The following SYN3 variants were observed in gnomAD, a reference collection of about 807,000 sequenced individuals.
The protein encoded by SYN3 is synapsin-3.
A neutral mutation model predicts 65.8 loss-of-function variants in SYN3; 35 were observed. The observed-to-expected ratio is 0.53, with a 90% CI of 0.41 to 0.70. SYN3 has a LOEUF of 0.70. SYN3 is among the 30% of genes least tolerant of loss of function. The pLI, the probability that SYN3 is intolerant of heterozygous loss-of-function variation, is 0.00. For missense variants in SYN3, 680 were observed against 749.0 expected (o/e 0.91, Z 1.08); for synonymous variants, 270 against 292.9 (o/e 0.92, Z 0.80).
intron 6 of SYN3, among the ~76,000 whole-genome samples, chr22:32,846,524 C>T (rs193016071): frequency 1.1e-3 from 173 of 152,290 alleles, no homozygotes; most frequent in Non-Finnish European, 1.9e-3. Context: ...CTGTTCTCAG[C>T]GCTTATATTA....
intron 7 of SYN3, among the ~76,000 whole-genome samples, chr22:32,541,981 A>G (rs1784757260): frequency 6.6e-6 from 1 of 152,086 alleles, no homozygotes; most frequent in African/African-American, 2.4e-5. Flanking sequence ...CATGTTTCAG[A>G]TGGATGAGGT....
In SYN3 at chr22:32,657,716, T is replaced by C. The variant is rs1051614753; in HGVS notation, c.712-60980A>G. Among the ~76,000 whole-genome samples the C allele has an allele frequency of 1.9e-3, 285 of 152,268 alleles. 1 individual carries two copies. The highest frequency in any genetic ancestry group is 6.5e-3 in the African/African-American group (268 of 41,544). ...AGGACACAGCAGTCATGAACTGGGC[T>C]CCAGTGTCACTCATCAGCTGAATGC... On this transcript the variant is annotated intron_variant, in intron 6 of 13. Transcript: ENST00000358763.
In SYN3 at chr22:33,019,926, A is replaced by C. The variant is rs545835641; in HGVS notation, c.-162-13102T>G. Among the ~76,000 whole-genome samples, 10 of 152,376 alleles carry C rather than the reference A, an allele frequency of 6.6e-5. No homozygotes were observed. The East Asian group carries it at 1.9e-3, about 29-fold the overall frequency. On this transcript the variant is annotated intron_variant, in intron 1 of 13. Transcript: ENST00000358763. ...TATTCTTAGCAATCCACATGAAGCT[A>C]CTGGGAAGATCAAATGAAAGAATGC...
At chr22:32,782,605 C>T (rs1433284637) in intron 6 of SYN3, among the ~76,000 whole-genome samples, 1 of 151,302 alleles carries the variant, frequency 6.6e-6, no homozygotes, top group South Asian at 2.1e-4. Context: ...GCAACCTCCA[C>T]CTCCTAGGTT....
intron 12 of SYN3, among the ~76,000 whole-genome samples, chr22:32,521,921 T>C (rs2146097411): frequency 6.6e-6 from 1 of 152,300 alleles, no homozygotes; most frequent in Middle Eastern, 3.4e-3. Context: ...CTTTGTTGAG[T>C]CCCTATCATA....
intron 2 of SYN3, among the ~76,000 whole-genome samples, chr22:33,004,568 G>C (rs2053150607): frequency 2.0e-5 from 3 of 152,240 alleles, no homozygotes; most frequent in Admixed American, 2.0e-4. Context: ...TGCCTCACTA[G>C]ATTTCAGATT....
At position 32,513,573 on chromosome 22, in the gene SYN3, G is replaced by GA; in HGVS notation, c.*118dup. ...TCGGTTCCTGGGTCAAAGGCATTTAGAAAGTATGTTCTCAGGCCCTCCATT... is the reference window on the plus strand; with the variant it reads ...TCGGTTCCTGGGTCAAAGGCATTTAGAAAAGTATGTTCTCAGGCCCTCCATT... On this transcript the variant is annotated 3_prime_UTR_variant, in exon 14 of 14. Transcript: ENST00000358763. 7.5e-7 allele frequency: 1 copy of GA among 1,327,394 alleles called. No homozygotes were observed. The highest frequency in any genetic ancestry group is 1.0e-6 in the Non-Finnish European group (1 of 972,180). 82.2% of individuals were successfully genotyped at this position (1,327,394 alleles called of 1,614,324 possible).
At chr22:32,704,181 C>T (rs890843006) in intron 6 of SYN3, among the ~76,000 whole-genome samples, 2 of 152,066 alleles carry the variant, frequency 1.3e-5, no homozygotes, top group South Asian at 2.1e-4. Flanking sequence ...AAGCCTAGTA[C>T]CTTATGTTTA....
chr22:32,695,571 A>G (rs972687429), intron 6 of SYN3, among the ~76,000 whole-genome samples: 1 of 152,184 alleles, frequency 6.6e-6, no homozygotes. Context: ...GTGGGTCACC[A>G]GAAAGCCCCA....
intron 3 of SYN3, among the ~76,000 whole-genome samples, chr22:32,955,518 T>C (rs1033449912): frequency 6.6e-6 from 1 of 152,172 alleles, no homozygotes; most frequent in African/African-American, 2.4e-5. Flanking sequence ...TTTTATGTTT[T>C]TCATTGTGGT....
At position 32,622,169 on chromosome 22, in the gene SYN3, AG is replaced by A; in HGVS notation, c.712-25434del. On this transcript the variant is annotated intron_variant, in intron 6 of 13. Coordinates refer to ENST00000358763, the MANE Select transcript of SYN3 (RefSeq NM_003490.4). The stretch of plus-strand genomic sequence containing the variant: ...CTTTCGAAAACCAGCCGACTGGAAA[AG>A]TCCACTTTGTCCTGGAGAATGCACA... 1.3e-5 allele frequency among the ~76,000 whole-genome samples: 2 copies of A among 152,114 alleles called. 1 individual carries two copies. Among genetic ancestry groups the A allele is most frequent in the South Asian group, 4.2e-4 (2 of 4,818 alleles).
At chr22:32,980,848 C>G in intron 2 of SYN3, 146 bp from the exon 3 acceptor site, 2 of 660,268 alleles carry the variant, frequency 3.0e-6, no homozygotes, top group Admixed American at 2.7e-5. Context: ...TACTGATTTT[C>G]TCAGTCTTTT....
rs1033906898 is a variant in SYN3 at position 32,843,486 on chromosome 22, C to T, written c.711+21429G>A. ...TCCAGGCCGACCTCCCTGTGGGTCCCTGACCTATTGCCTTTGCCATGAGCA... is the reference window on the plus strand; with the variant it reads ...TCCAGGCCGACCTCCCTGTGGGTCCTTGACCTATTGCCTTTGCCATGAGCA... On this transcript the variant is annotated intron_variant, in intron 6 of 13. Transcript: ENST00000358763. 3.3e-5 allele frequency among the ~76,000 whole-genome samples: 5 copies of T among 152,216 alleles called. No individual in the cohort carries two copies. The East Asian group carries it at 9.6e-4, about 29-fold the overall frequency.
At position 32,527,781 on chromosome 22, in the gene SYN3, T is replaced by G. The variant is rs567625273; in HGVS notation, c.1318+137A>C. 1.2e-4 allele frequency: 87 copies of G among 707,580 alleles called. 2 individuals carry two copies. The South Asian group carries it at 1.6e-3, about 13-fold the overall frequency. 43.8% of individuals were successfully genotyped at this position (707,580 alleles called of 1,614,324 possible). ...TTTTTAAAGAGTTTGACCAACCCCA[T>G]AGTCTCATTCATTCTGTGGATAAAG... On this transcript the variant is annotated intron_variant, in intron 12 of 13. Transcript: ENST00000358763.
At position 32,518,228 on chromosome 22, in the gene SYN3, A is replaced by C. The variant is rs770942633; in HGVS notation, c.1425T>G (p.Ser475=). ...AGCCTGGTGACCTTTGCTGCTGTGG[A>C]GATCCGGACTGGGGGCTCAGGGGCT... ...GQQPLSPQSG[S]PQQQRSPGSP... is the part of the protein sequence containing the mutation. The change falls in exon 13 of 14, where the codon TCT becomes TCG. Residue 475 remains serine, a synonymous_variant. Coordinates refer to ENST00000358763, the MANE Select transcript of SYN3 (RefSeq NM_003490.4). The C allele has an allele frequency of 5.5e-5, 88 of 1,613,648 alleles. No homozygotes were observed. The highest frequency in any genetic ancestry group is 6.8e-5 in the Non-Finnish European group (80 of 1,179,914).
intron 7 of SYN3, among the ~76,000 whole-genome samples, chr22:32,592,800 T>C (rs746701648): frequency 2.2e-4 from 33 of 152,212 alleles, no homozygotes; most frequent in Non-Finnish European, 4.0e-4. Context: ...CAACACATTA[T>C]GCATATTTAC....
chr22:32,717,799 G>T (rs1209584455), intron 6 of SYN3, among the ~76,000 whole-genome samples: 1 of 152,136 alleles, frequency 6.6e-6, no homozygotes, highest in African/African-American at 2.4e-5. Flanking sequence ...GACAAGGCCT[G>T]TCAAACGCCT....
chr22:33,007,817 C>T (rs1398693281), intron 1 of SYN3, among the ~76,000 whole-genome samples: 1 of 152,142 alleles, frequency 6.6e-6, no homozygotes, highest in Non-Finnish European at 1.5e-5. Flanking sequence ...CTTTTCTAAA[C>T]AGAGTAACAT....
At chr22:32,830,306 A>G (rs974303603) in intron 6 of SYN3, among the ~76,000 whole-genome samples, 1 of 152,194 alleles carries the variant, frequency 6.6e-6, no homozygotes, top group Non-Finnish European at 1.5e-5. Context: ...AAGTACCTCA[A>G]GGGGAGTATC....
Sources: allele counts gnomAD v4.1 joint callset (sites outside exome capture counted in the v4.1 genomes callset), GRCh38; gene constraint gnomAD v4.1.1; transcripts MANE v1.5; gene names NCBI Gene and HGNC (gene_info 2026-07-23, HGNC 2026-07-21).